OPCML: variants seen among roughly 807,000 people sequenced by gnomAD.
OPCML encodes opioid-binding protein/cell adhesion molecule.
Under a neutral mutation model 37.8 loss-of-function variants are expected in OPCML, and 13 were observed. The ratio of observed to expected loss-of-function variants is 0.34; its 90% CI spans 0.22 to 0.55. OPCML has a LOEUF of 0.55. Ranked by LOEUF, OPCML falls within the 20% of genes least tolerant of loss-of-function variation. The probability of loss-of-function intolerance (pLI) is 0.91; values close to 1 mark genes in which losing one functional copy is unlikely to be tolerated. For missense variants in OPCML, 341 were observed against 435.6 expected, an observed-to-expected ratio of 0.78 and a Z score of 1.93; for synonymous variants, 176 against 168.8, an observed-to-expected ratio of 1.04 and a Z score of -0.33.
chr11:132,650,762 G>A (rs1233719354), intron 3 of OPCML, among the ~76,000 whole-genome samples: 2 of 152,192 alleles, frequency 1.3e-5, no homozygotes, highest in Non-Finnish European at 2.9e-5. Context: ...GGGCTGAGGA[G>A]TGAGCATTCT....
chr11:132,913,174 C>T (rs188017356), intron 2 of OPCML, among the ~76,000 whole-genome samples: 1 of 152,252 alleles, frequency 6.6e-6, no homozygotes, highest in East Asian at 1.9e-4. Flanking sequence ...GAAATTGATA[C>T]ATGGCAACAT....
rs1948626087 is a variant in OPCML, at chr11:133,532,471, C to CAGAAGAGA, written c.-148_-147insTCTCTTCT. ...GAGAGCAGAAGAGAGAGAGAGCGCGCGAGAGATGGGAGCAGGCAGGCAGCG... is the reference window on the plus strand; with the variant it reads ...GAGAGCAGAAGAGAGAGAGAGCGCGCAGAAGAGAGAGAGATGGGAGCAGGCAGGCAGCG... On this transcript the variant is annotated 5_prime_UTR_variant, in exon 1 of 8. Transcript: ENST00000524381. 3 of 911,402 alleles carry CAGAAGAGA rather than the reference C, an allele frequency of 3.3e-6. No individual in the cohort carries two copies. The highest frequency in any genetic ancestry group is 5.1e-6 in the Non-Finnish European group (3 of 583,362). 56.5% of individuals were successfully genotyped at this position (911,402 alleles called of 1,614,324 possible).
At chr11:132,707,485 G>C (rs1944082559) in intron 2 of OPCML, among the ~76,000 whole-genome samples, 1 of 152,202 alleles carries the variant, frequency 6.6e-6, no homozygotes, top group Non-Finnish European at 1.5e-5. Flanking sequence ...TCAGTTATAT[G>C]AGAATATAGC....
At chr11:132,580,617 G>A (rs1243633311) in intron 3 of OPCML, among the ~76,000 whole-genome samples, 1 of 152,110 alleles carries the variant, frequency 6.6e-6, no homozygotes, top group Non-Finnish European at 1.5e-5. Context: ...TTCTTGCTTA[G>A]TAATTATCTA....
intron 7 of OPCML, among the ~76,000 whole-genome samples, chr11:132,427,339 G>T (rs1021131461): frequency 1.5e-4 from 23 of 152,196 alleles, no homozygotes; most frequent in Non-Finnish European, 3.1e-4. Context: ...GTGATTAAAA[G>T]AGGAGCAAAG....
At chr11:132,816,783 T>C (rs1939664084) in intron 2 of OPCML, among the ~76,000 whole-genome samples, 1 of 152,206 alleles carries the variant, frequency 6.6e-6, no homozygotes, top group South Asian at 2.1e-4. Flanking sequence ...AGATAACAAC[T>C]CTTCTCTCCA....
At chr11:133,204,909 T>TATATATATATATAC (rs1350609719) in intron 1 of OPCML, among the ~76,000 whole-genome samples, 4 of 130,688 alleles carry the variant, frequency 3.1e-5, no homozygotes, top group Non-Finnish European at 6.5e-5. Flanking sequence ...TATATATATA[T>TATATATATATATAC]ACATACACAT....
intron 2 of OPCML, among the ~76,000 whole-genome samples, chr11:132,679,381 A>G (rs1226994254): frequency 1.3e-5 from 2 of 152,278 alleles, no homozygotes; most frequent in Non-Finnish European, 2.9e-5. Context: ...AAATGTGGGT[A>G]TATCCACATG....
chr11:133,233,999 T>C (rs1940404569), intron 1 of OPCML, among the ~76,000 whole-genome samples: 1 of 152,140 alleles, frequency 6.6e-6, no homozygotes, highest in African/African-American at 2.4e-5. Context: ...CTATGTTAGA[T>C]AATGTAACAA....
At chr11:133,403,458 C>T (rs1280040596) in intron 1 of OPCML, among the ~76,000 whole-genome samples, 1 of 152,048 alleles carries the variant, frequency 6.6e-6, no homozygotes, top group East Asian at 1.9e-4. Flanking sequence ...GATTTGTTTG[C>T]TTAGTTTAAT....
Position 132,437,240 on chromosome 11 carries a change from C to T in OPCML, c.625G>A (p.Val209Ile), listed in dbSNP as rs2096016141. The T allele has an allele frequency of 6.2e-7, 1 of 1,613,932 alleles. No homozygotes were observed. ...NDVAAPDVRKVKITVNYPPYI... is the reference protein window; with the variant it reads ...NDVAAPDVRKIKITVNYPPYI... ...CACTCACAGTTTACAGTGATTTTTACTTTCCGCACATCGGGCGCAGCGACA... is the reference window on the plus strand; with the variant it reads ...CACTCACAGTTTACAGTGATTTTTATTTTCCGCACATCGGGCGCAGCGACA... Residue 209 changes from valine to isoleucine, a missense_variant, in exon 5 of 8, where the codon GTA becomes ATA. Physicochemically the swap from Val to Ile is conservative, Grantham distance 29 (BLOSUM62 3). Transcript: ENST00000524381.
intron 1 of OPCML, among the ~76,000 whole-genome samples, chr11:133,349,649 C>T (rs1310988527): frequency 6.6e-6 from 1 of 152,196 alleles, no homozygotes; most frequent in African/African-American, 2.4e-5. Context: ...ACCATGAACA[C>T]AGTGCCTTTC....
At chr11:132,608,492 G>A (rs1240388348) in intron 3 of OPCML, among the ~76,000 whole-genome samples, 1 of 152,206 alleles carries the variant, frequency 6.6e-6, no homozygotes, top group Admixed American at 6.6e-5. Flanking sequence ...CTTCAGTAAA[G>A]CCCAAGTAAT....
intron 1 of OPCML, among the ~76,000 whole-genome samples, chr11:133,394,680 T>G (rs868042265): frequency 6.6e-6 from 1 of 152,216 alleles, no homozygotes; most frequent in Non-Finnish European, 1.5e-5. Context: ...GCGCCTGGCT[T>G]GTTCCACTTA....
chr11:133,132,754 C>T (rs1229332972), intron 1 of OPCML, among the ~76,000 whole-genome samples: 1 of 151,406 alleles, frequency 6.6e-6, no homozygotes, highest in Non-Finnish European at 1.5e-5. Flanking sequence ...CCAGAAAAAA[C>T]AAGAGTACAT....
chr11:132,555,046 G>A (rs1251885425), intron 3 of OPCML, among the ~76,000 whole-genome samples: 3 of 151,900 alleles, frequency 2.0e-5, no homozygotes, highest in Admixed American at 6.6e-5. Context: ...TGGGAAAATG[G>A]CGGGAGCACT....
intron 2 of OPCML, among the ~76,000 whole-genome samples, chr11:132,875,275 A>G (rs1382921586): frequency 6.6e-6 from 1 of 152,156 alleles, no homozygotes; most frequent in Non-Finnish European, 1.5e-5. Context: ...CCCTGTCTCT[A>G]TCACCTTGGA....
chr11:132,904,477 C>T (rs1371074979), intron 2 of OPCML, among the ~76,000 whole-genome samples: 3 of 152,180 alleles, frequency 2.0e-5, no homozygotes, highest in South Asian at 2.1e-4. Context: ...GTTCTCATTG[C>T]TCTTGAATTT....
At chr11:132,663,957 G>A (rs1942105289) in intron 2 of OPCML, among the ~76,000 whole-genome samples, 1 of 152,046 alleles carries the variant, frequency 6.6e-6, no homozygotes, top group Non-Finnish European at 1.5e-5. Context: ...CTCAGCTTCT[G>A]GAGTAGCTGG....
Sources: gnomAD v4.1 joint callset for allele counts (sites outside exome capture counted in the v4.1 genomes callset) on GRCh38, gnomAD v4.1.1 for gene constraint, MANE v1.5 for transcripts, NCBI Gene and HGNC (gene_info 2026-07-23, HGNC 2026-07-21) for gene names.